The following USP33 variants were observed in gnomAD, a reference collection of about 807,000 sequenced individuals.
The protein encoded by USP33 is ubiquitin specific peptidase 33, also known as ubiquitin carboxyl-terminal hydrolase 33.
A neutral mutation model predicts 124.2 loss-of-function variants in USP33; 46 were observed. The observed-to-expected ratio is 0.37, with a 90% CI of 0.29 to 0.47. The LOEUF (loss-of-function observed/expected upper bound fraction) is 0.47. USP33 is among the 20% of genes least tolerant of loss of function. The pLI is 0.99. For missense variants in USP33, 851 were observed against 1,070.6 expected (o/e 0.79, Z 2.86); for synonymous variants, 350 against 352.3 (o/e 0.99, Z 0.07).
At chr1:77,721,680 T>G (rs1410058058) in intron 14 of USP33, 151 bp downstream of exon 14, 3 of 635,976 alleles carry the variant, frequency 4.7e-6, no homozygotes, top group African/African-American at 1.9e-5. Flanking sequence ...ATATTTATAT[T>G]ATCAAGGTAG....
Position 77,741,363 on chromosome 1 carries a change from A to C in USP33, c.135+13T>G. ...TATTATAGCAATCTTTTCAGGAAAA[A>C]ACATATACACACCTCCAGACATGCC... On this transcript the variant is annotated intron_variant, in intron 3 of 23. Coordinates refer to ENST00000370794, the MANE Select transcript of USP33 (RefSeq NM_201624.3). 1 of 1,587,184 alleles carries C rather than the reference A, an allele frequency of 6.3e-7. No homozygotes were observed. Among genetic ancestry groups the C allele is most frequent in the Non-Finnish European group, 8.5e-7 (1 of 1,172,490 alleles).
chr1:77,723,305 G>T (rs374039362), intron 12 of USP33, 26 bp downstream of exon 12: 197 of 1,488,034 alleles, frequency 1.3e-4, no homozygotes, highest in Non-Finnish European at 1.7e-4. Context: ...CGAATTTTCT[G>T]TGTATTCTAA....
At position 77,753,747 on chromosome 1, in the gene USP33, A is replaced by G. The variant is rs571805852; in HGVS notation, c.-52+5896T>C. 3.0e-4 allele frequency among the ~76,000 whole-genome samples: 45 copies of G among 151,442 alleles called. No homozygotes were observed. In the South Asian group the frequency reaches 7.9e-3, roughly 26 times the overall value. On this transcript the variant is annotated intron_variant, in intron 1 of 23. Transcript: ENST00000370794. ...GCTCCCTCATCTAAAACACTGATCT[A>G]ATTACAAATATCTACTTTCTAGAGT...
At chr1:77,759,504 G>T (rs1200095220) in intron 1 of USP33, 139 bp downstream of exon 1, 1 of 396,954 alleles carries the variant, frequency 2.5e-6, no homozygotes, top group Non-Finnish European at 4.4e-6. Context: ...CCGCGAACCC[G>T]CCGCCACCCA....
At chr1:77,751,599 T>C (rs1298381828) in intron 1 of USP33, among the ~76,000 whole-genome samples, 1 of 152,094 alleles carries the variant, frequency 6.6e-6, no homozygotes, top group Admixed American at 6.5e-5. Context: ...AGAAGTTGCA[T>C]GCAGTGAGCT....
intron 17 of USP33, among the ~76,000 whole-genome samples, chr1:77,716,973 C>T (rs1207667435): frequency 3.3e-5 from 5 of 151,384 alleles, no homozygotes; most frequent in Admixed American, 6.6e-5. Flanking sequence ...TCAAGCGATT[C>T]TCCTGTCTCA....
Position 77,754,600 on chromosome 1 carries a change from T to A in USP33, c.-52+5043A>T, listed in dbSNP as rs1331410378. Among the ~76,000 whole-genome samples the A allele has an allele frequency of 5.3e-5, 8 of 152,332 alleles. No individual in the cohort carries two copies. The East Asian group carries it at 1.3e-3, about 26-fold the overall frequency. ...TCAAACCTCTGTGAGGATTTGAAGATCCCACAAAGTCCTATAATACTTACC... is the reference window on the plus strand; with the variant it reads ...TCAAACCTCTGTGAGGATTTGAAGAACCCACAAAGTCCTATAATACTTACC... On this transcript the variant is annotated intron_variant, in intron 1 of 23. Coordinates refer to ENST00000370794, the MANE Select transcript of USP33 (RefSeq NM_201624.3).
At chr1:77,755,372 T>C (rs898789018) in intron 1 of USP33, among the ~76,000 whole-genome samples, 2 of 152,244 alleles carry the variant, frequency 1.3e-5, no homozygotes, top group African/African-American at 2.4e-5. Flanking sequence ...AACTGATTCA[T>C]CTAAACACAG....
chr1:77,713,376 G>A, intron 19 of USP33, 95 bp from the exon 20 acceptor site: 10 of 1,013,114 alleles, frequency 9.9e-6, no homozygotes, highest in Non-Finnish European at 1.4e-5. Context: ...CTAAATGACA[G>A]ATCAATCATC....
chr1:77,698,566 T>C, intron 22 of USP33, among the ~76,000 whole-genome samples: 1 of 147,224 alleles, frequency 6.8e-6, no homozygotes, highest in South Asian at 2.2e-4. Context: ...AGTGGCATCA[T>C]CTCGGCTCAC....
intron 1 of USP33, among the ~76,000 whole-genome samples, chr1:77,754,452 GTT>G (rs1680623169): frequency 6.6e-6 from 1 of 152,144 alleles, no homozygotes; most frequent in Admixed American, 6.6e-5. Context: ...AAGCAGAAAA[GTT>G]TATTTTATTC....
At chr1:77,706,815 G>A (rs1570736976) in intron 21 of USP33, among the ~76,000 whole-genome samples, 1 of 152,106 alleles carries the variant, frequency 6.6e-6, no homozygotes, top group African/African-American at 2.4e-5. Context: ...ATAAACCTAG[G>A]AGTCAGGTAA....
intron 5 of USP33, among the ~76,000 whole-genome samples, chr1:77,738,198 G>A (rs1166732989): frequency 6.6e-6 from 1 of 152,092 alleles, no homozygotes; most frequent in African/African-American, 2.4e-5. Context: ...TCTACCATAA[G>A]AATGTGATAC....
chr1:77,704,414 T>C (rs916805732), intron 21 of USP33, among the ~76,000 whole-genome samples: 1 of 152,232 alleles, frequency 6.6e-6, no homozygotes, highest in South Asian at 2.1e-4. Flanking sequence ...ACCACTACCA[T>C]GTTTGAAAAC....
chr1:77,751,049 G>A (rs1325128498), intron 1 of USP33, among the ~76,000 whole-genome samples: 1 of 152,180 alleles, frequency 6.6e-6, no homozygotes, highest in East Asian at 1.9e-4. Flanking sequence ...GGTTGTATAT[G>A]GAAATGCTAT....
At chr1:77,701,710 C>T (rs1175048087) in intron 21 of USP33, 4 of 330,356 alleles carry the variant, frequency 1.2e-5, no homozygotes, top group African/African-American at 2.2e-5. Flanking sequence ...GCTGTTGTTG[C>T]CCAGGCTGGA....
chr1:77,729,805 G>A, intron 9 of USP33, 55 bp downstream of exon 9: 3 of 1,560,118 alleles, frequency 1.9e-6, no homozygotes, highest in Non-Finnish European at 2.6e-6. Context: ...AAAACATAAT[G>A]GCATTTTCCA....
At chr1:77,748,113 C>A (rs983051132) in intron 1 of USP33, among the ~76,000 whole-genome samples, 2 of 152,126 alleles carry the variant, frequency 1.3e-5, no homozygotes, top group Non-Finnish European at 2.9e-5. Context: ...TTTGTTTCAA[C>A]CTTTCAAAAA....
At chr1:77,735,102 A>G (rs372262960) in intron 6 of USP33, among the ~76,000 whole-genome samples, 11 of 150,804 alleles carry the variant, frequency 7.3e-5, no homozygotes, top group African/African-American at 2.2e-4. Context: ...CAGCCTGGGC[A>G]ACAGAGCGAG....
Sources: allele counts gnomAD v4.1 joint callset (sites outside exome capture counted in the v4.1 genomes callset), GRCh38; gene constraint gnomAD v4.1.1; transcripts MANE v1.5; gene names NCBI Gene and HGNC (gene_info 2026-07-23, HGNC 2026-07-21).